The following UNC13C variants were observed in gnomAD, a reference collection of about 807,000 sequenced individuals.
The protein encoded by UNC13C is unc-13 homolog C.
UNC13C carries 174 observed loss-of-function variants against 245.4 expected under a neutral mutation model. That is an observed-to-expected ratio of 0.71 (90% CI 0.63 to 0.80). UNC13C has a LOEUF of 0.80. Among genes scored for constraint, UNC13C ranks in the 30% least tolerant of loss-of-function variants. UNC13C has a pLI of 0.00. For missense variants in UNC13C, 2,829 were observed against 2,602.9 expected (o/e 1.09, Z -1.89); for synonymous variants, 992 against 895.1 (o/e 1.11, Z -1.93).
chr15:54,061,104 A>T (rs531714817), intron 2 of UNC13C, among the ~76,000 whole-genome samples: 2 of 131,880 alleles, frequency 1.5e-5, no homozygotes, highest in African/African-American at 5.9e-5. Context: ...GTACCCTAAA[A>T]CTTAAAGTAT....
rs969159902 is a variant in UNC13C at position 54,411,186 on chromosome 15, G to A, written c.4848-3796G>A. ...CAAATCATTTGCCCATTTTTATTGA[G>A]TAATGTTTTTTCTCTATTATTGAGA... On this transcript the variant is annotated intron_variant, in intron 18 of 32. Transcript: ENST00000260323. Among the ~76,000 whole-genome samples, 28 of 152,046 alleles carry A rather than the reference G, an allele frequency of 1.8e-4. 1 individual carries two copies. The highest frequency in any genetic ancestry group is 1.0e-3 in the Admixed American group (16 of 15,274).
chr15:54,068,256 C>T (rs1369305109), intron 2 of UNC13C, among the ~76,000 whole-genome samples: 9 of 152,090 alleles, frequency 5.9e-5, no homozygotes, highest in African/African-American at 2.2e-4. Context: ...CAAGAAAAAT[C>T]ATCTAATTTG....
intron 2 of UNC13C, among the ~76,000 whole-genome samples, chr15:54,067,128 G>A (rs777707740): frequency 9.9e-5 from 15 of 151,990 alleles, no homozygotes; most frequent in African/African-American, 3.4e-4. Context: ...TGTTTGGTTC[G>A]ATTTGATGAC....
At position 54,039,049 on chromosome 15, in the gene UNC13C, C is replaced by T. The variant is rs561135175; in HGVS notation, c.2983+23163C>T. On this transcript the variant is annotated intron_variant, in intron 2 of 32. Coordinates refer to ENST00000260323, the MANE Select transcript of UNC13C (RefSeq NM_001080534.3). ...CACATGTCACTTACCTACAAATCAA[C>T]GTGCTTTTTATAATTGCTATAGCAA... is the stretch of plus-strand genomic sequence containing the variant. Among the ~76,000 whole-genome samples, 12 of 152,200 alleles carry T rather than the reference C, an allele frequency of 7.9e-5. No individual in the cohort carries two copies. In the East Asian group the frequency reaches 1.2e-3, roughly 15 times the overall value.
intron 19 of UNC13C, among the ~76,000 whole-genome samples, chr15:54,447,355 T>A (rs942777491): frequency 6.6e-6 from 1 of 152,218 alleles, no homozygotes; most frequent in Non-Finnish European, 1.5e-5. Context: ...TGGTACCACC[T>A]CCTCCTTGTA....
At position 54,595,449 on chromosome 15, in the gene UNC13C, G is replaced by A. The variant is rs560561109; in HGVS notation, c.6107-26878G>A. On this transcript the variant is annotated intron_variant, in intron 30 of 32. Coordinates refer to ENST00000260323, the MANE Select transcript of UNC13C (RefSeq NM_001080534.3). ...GGGGTGTCGCCCGGTCCCTGCAGCCGCCTTCCTTCAGGGGGTCTGTGGTTC... is the reference window on the plus strand; with the variant it reads ...GGGGTGTCGCCCGGTCCCTGCAGCCACCTTCCTTCAGGGGGTCTGTGGTTC... Among the ~76,000 whole-genome samples, 22 of 152,146 alleles carry A rather than the reference G, an allele frequency of 1.4e-4. No homozygotes were observed. In the South Asian group the frequency reaches 2.9e-3, roughly 20 times the overall value.
At chr15:54,612,616 C>T (rs1362347031) in intron 30 of UNC13C, among the ~76,000 whole-genome samples, 2 of 151,970 alleles carry the variant, frequency 1.3e-5, no homozygotes, top group Non-Finnish European at 2.9e-5. Context: ...TAATCGTGCT[C>T]TTTCTCATTG....
rs376720061 is a variant in UNC13C, at chr15:54,555,445, G to C, written c.5891G>C (p.Arg1964Pro). Residue 1964 changes from arginine to proline, a missense_variant, in exon 29 of 33, where the codon CGA becomes CCA. By Grantham distance (103) the Arg-to-Pro change is moderately radical (BLOSUM62 -2). Coordinates refer to ENST00000260323, the MANE Select transcript of UNC13C (RefSeq NM_001080534.3). ...CCTGTTTTCCAGGAGCACATGATTC[G>C]AGAGGATGCCAGGGGTCTGACGCCA... Reference protein sequence around the residue: ...QLSKLKEHMIREDARGLTPRQ... With the variant: ...QLSKLKEHMIPEDARGLTPRQ... 11 of 1,612,268 alleles carry C rather than the reference G, an allele frequency of 6.8e-6. No homozygotes were observed. Among genetic ancestry groups the C allele is most frequent in the Non-Finnish European group, 8.5e-6 (10 of 1,178,960 alleles).
chr15:54,343,539 T>C (rs2038788078), intron 17 of UNC13C, among the ~76,000 whole-genome samples: 1 of 152,216 alleles, frequency 6.6e-6, no homozygotes, highest in Non-Finnish European at 1.5e-5. Context: ...CTAAATTTTA[T>C]AATTTCCATG....
chr15:53,896,871 A>G, the UNC13C span, among the ~76,000 whole-genome samples: 1 of 152,156 alleles, frequency 6.6e-6, no homozygotes, highest in African/African-American at 2.4e-5. Flanking sequence ...CACCCGGGAC[A>G]CTGATGACCT....
chr15:53,973,599 C>CT (rs1344257437), upstream of UNC13C, among the ~76,000 whole-genome samples: 1 of 150,326 alleles, frequency 6.7e-6, no homozygotes, highest in Non-Finnish European at 1.5e-5. Context: ...AAAAAAAATC[C>CT]AAAAAGTGGA....
Position 54,057,866 on chromosome 15 carries a change from G to A in UNC13C, c.2983+41980G>A, listed in dbSNP as rs577752935. On this transcript the variant is annotated intron_variant, in intron 2 of 32. Coordinates refer to ENST00000260323, the MANE Select transcript of UNC13C (RefSeq NM_001080534.3). ...CAACCTGCTCCTGAATGACTACTGG[G>A]TACATAACGAAACGAAGGCAGAAAT... 3.9e-5 allele frequency among the ~76,000 whole-genome samples: 6 copies of A among 152,292 alleles called. No individual in the cohort carries two copies. In the East Asian group the frequency reaches 9.7e-4, roughly 24 times the overall value.
chr15:54,288,707 C>G (rs1472911247), intron 10 of UNC13C, among the ~76,000 whole-genome samples: 1 of 152,062 alleles, frequency 6.6e-6, no homozygotes, highest in African/African-American at 2.4e-5. Context: ...CCAACAACCT[C>G]TTTAGCTTCT....
intron 30 of UNC13C, among the ~76,000 whole-genome samples, chr15:54,608,369 A>T (rs1477764757): frequency 6.6e-6 from 1 of 152,212 alleles, no homozygotes; most frequent in Non-Finnish European, 1.5e-5. Flanking sequence ...TAAAACATGA[A>T]TCTCAGGAAT....
At chr15:54,243,933 T>A (rs12905451) in intron 7 of UNC13C, among the ~76,000 whole-genome samples, 23,829 of 152,244 alleles carry the variant, frequency 0.16, 1,961 homozygotes, top group African/African-American at 0.17. Flanking sequence ...AGGTTGCCTG[T>A]TCACTCTTAT....
intron 28 of UNC13C, among the ~76,000 whole-genome samples, chr15:54,551,832 C>T (rs1012065555): frequency 6.6e-6 from 1 of 151,870 alleles, no homozygotes; most frequent in Non-Finnish European, 1.5e-5. Context: ...AAATCTCCTA[C>T]AGTATTATGC....
chr15:54,408,125 C>T (rs1249208045), intron 18 of UNC13C, among the ~76,000 whole-genome samples: 2 of 137,710 alleles, frequency 1.5e-5, no homozygotes, highest in South Asian at 2.4e-4. Flanking sequence ...GGCATGAACC[C>T]GAGAGGCGGA....
intron 13 of UNC13C, chr15:54,321,286 C>T (rs2038150718): frequency 4.2e-6 from 2 of 476,096 alleles, no homozygotes; most frequent in Admixed American, 4.3e-5. Flanking sequence ...TCAATCACTT[C>T]AATTTCCCTG....
intron 2 of UNC13C, among the ~76,000 whole-genome samples, chr15:54,059,713 A>C (rs1404428179): frequency 6.6e-6 from 1 of 152,204 alleles, no homozygotes; most frequent in Non-Finnish European, 1.5e-5. Flanking sequence ...CTGACTTCAA[A>C]CTATACTGCA....
Sources: allele counts gnomAD v4.1 joint callset (sites outside exome capture counted in the v4.1 genomes callset), GRCh38; gene constraint gnomAD v4.1.1; transcripts MANE v1.5; gene names NCBI Gene and HGNC (gene_info 2026-07-23, HGNC 2026-07-21).